CCDC91: variants seen among roughly 807,000 people sequenced by gnomAD.
The protein encoded by CCDC91 is coiled-coil domain containing 91.
A neutral mutation model predicts 63.2 loss-of-function variants in CCDC91; 48 were observed. The ratio of observed to expected loss-of-function variants is 0.76; its 90% CI spans 0.60 to 0.97. The LOEUF (loss-of-function observed/expected upper bound fraction) is 0.97, where lower values mean the gene tolerates loss of function less well. Ranked by LOEUF, CCDC91 falls within the 50% of genes least tolerant of loss-of-function variation. The pLI is 0.00. For synonymous variants in CCDC91, 167 were observed against 165.8 expected (o/e 1.01, Z -0.06); for missense variants, 500 against 494.6 (o/e 1.01, Z -0.10).
chr12:28,236,613 C>A (rs1944965885), intron 1 of CCDC91: 1 of 151,932 alleles, frequency 6.6e-6, no homozygotes. Context: ...GTCATTGTTA[C>A]CTTCAAATTA....
chr12:28,295,113 A>G (rs1420598410), intron 3 of CCDC91, among the ~76,000 whole-genome samples: 2 of 152,112 alleles, frequency 1.3e-5, no homozygotes, highest in Non-Finnish European at 2.9e-5. Flanking sequence ...TGAAATTCTG[A>G]TTGACTCTGC....
chr12:28,226,623 C>T (rs1435103619), intron 1 of CCDC91, among the ~76,000 whole-genome samples: 4 of 151,994 alleles, frequency 2.6e-5, no homozygotes, highest in Admixed American at 6.6e-5. Flanking sequence ...AACCTCATAC[C>T]TTTTATTAAC....
At chr12:28,244,217 CATG>C (rs1945548771) in intron 1 of CCDC91, among the ~76,000 whole-genome samples, 1 of 152,070 alleles carries the variant, frequency 6.6e-6, no homozygotes, top group Non-Finnish European at 1.5e-5. Flanking sequence ...AGCATAAATT[CATG>C]ATAAGAATGC....
At chr12:28,375,167 A>G (rs1362604630) in intron 7 of CCDC91, among the ~76,000 whole-genome samples, 1 of 151,870 alleles carries the variant, frequency 6.6e-6, no homozygotes, top group Non-Finnish European at 1.5e-5. Flanking sequence ...CTTCTTCAGT[A>G]AGTGATGGAA....
intron 3 of CCDC91, among the ~76,000 whole-genome samples, chr12:28,296,905 A>C (rs904330543): frequency 6.6e-6 from 1 of 151,894 alleles, no homozygotes; most frequent in African/African-American, 2.4e-5. Flanking sequence ...TGAGCATTGA[A>C]TAGGAAGATG....
intron 8 of CCDC91, among the ~76,000 whole-genome samples, chr12:28,413,568 T>C (rs1199206396): frequency 3.3e-5 from 5 of 152,204 alleles, no homozygotes; most frequent in African/African-American, 1.2e-4. Context: ...GATCTTATCA[T>C]TTATTTTTGA....
At position 28,220,661 on chromosome 12, in the gene CCDC91, GA is replaced by G. The variant is rs201800994; in HGVS notation, c.-15+30030del. Among the ~76,000 whole-genome samples the G allele has an allele frequency of 3.5e-4, 52 of 149,036 alleles. 1 individual carries two copies. The East Asian group carries it at 3.5e-3, about 10-fold the overall frequency. On this transcript the variant is annotated intron_variant, in intron 1 of 12. Coordinates refer to ENST00000536442, the MANE Select transcript of CCDC91 (RefSeq NM_018318.5). ...TAATTCTCTTACCCTTTGTTTATCTGAAAAAAAAAATTCCTCTTCAATTTTT... is the reference window on the plus strand; with the variant it reads ...TAATTCTCTTACCCTTTGTTTATCTGAAAAAAAAATTCCTCTTCAATTTTT...
chr12:28,462,906 T>C (rs968320555), intron 11 of CCDC91, among the ~76,000 whole-genome samples: 1 of 152,076 alleles, frequency 6.6e-6, no homozygotes, highest in African/African-American at 2.4e-5. Flanking sequence ...GAGATGATGA[T>C]ACTTAAACTG....
rs117077954 is a variant in CCDC91 at position 28,412,155 on chromosome 12, A to G, written c.762+20744A>G. On this transcript the variant is annotated intron_variant, in intron 8 of 12. Transcript: ENST00000536442. ...ATACATTCTAGGTGTATAGTAGGCT[A>G]TATCATCTAGGTTTGTGTAAGTACA... is the stretch of plus-strand genomic sequence containing the variant. 3.5e-3 allele frequency among the ~76,000 whole-genome samples: 531 copies of G among 152,316 alleles called. 26 individuals are homozygous for G. The East Asian group carries it at 0.088, about 25-fold the overall frequency.
In CCDC91 at chr12:28,338,269, T is replaced by TTG. The variant is rs1479944540; in HGVS notation, c.577-24168_577-24167insGT. 8.9e-3 allele frequency among the ~76,000 whole-genome samples: 1,355 copies of TTG among 151,618 alleles called. 25 individuals are homozygous for TTG. The highest frequency in any genetic ancestry group is 0.031 in the African/African-American group (1,285 of 41,326). ...TGGCCCTTATGGATCTTTTTTTTTT[T>TTG]TCTTATGTACTTATCACAGACTTTC... On this transcript the variant is annotated intron_variant, in intron 6 of 12. Transcript: ENST00000536442.
At chr12:28,458,014 G>A (rs1008130310) in intron 11 of CCDC91, among the ~76,000 whole-genome samples, 1 of 151,740 alleles carries the variant, frequency 6.6e-6, no homozygotes, top group African/African-American at 2.4e-5. Context: ...TGTAATTTGG[G>A]GTTATGTTTT....
chr12:28,312,606 G>A (rs1939436435), intron 6 of CCDC91, among the ~76,000 whole-genome samples: 1 of 152,036 alleles, frequency 6.6e-6, no homozygotes, highest in Non-Finnish European at 1.5e-5. Context: ...AATATGTATA[G>A]GATGAAATAT....
At chr12:28,198,831 T>TTG (rs1555149367) in intron 1 of CCDC91, 183 of 151,908 alleles carry the variant, frequency 1.2e-3, no homozygotes, top group African/African-American at 4.1e-3. Flanking sequence ...AGTAATTTTT[T>TTG]TCATTCCTTA....
intron 8 of CCDC91, among the ~76,000 whole-genome samples, chr12:28,392,149 T>C (rs1219700570): frequency 1.3e-5 from 2 of 152,168 alleles, no homozygotes; most frequent in South Asian, 4.1e-4. Flanking sequence ...AATGTCATTT[T>C]AATAAGTGGC....
intron 3 of CCDC91, among the ~76,000 whole-genome samples, chr12:28,280,256 CTTTTATG>C (rs1046293437): frequency 2.0e-5 from 3 of 151,924 alleles, no homozygotes; most frequent in Non-Finnish European, 4.4e-5. Flanking sequence ...TTGAATAAAT[CTTTTATG>C]TTTTATATGT....
intron 6 of CCDC91, among the ~76,000 whole-genome samples, chr12:28,361,749 C>A (rs995136724): frequency 2.6e-5 from 4 of 151,518 alleles, no homozygotes; most frequent in African/African-American, 7.3e-5. Flanking sequence ...CATTTCCCTT[C>A]TGTTTTTTGG....
At chr12:28,417,360 A>G (rs1274809209) in intron 8 of CCDC91, among the ~76,000 whole-genome samples, 1 of 152,072 alleles carries the variant, frequency 6.6e-6, no homozygotes, top group Non-Finnish European at 1.5e-5. Context: ...AGAATATAAA[A>G]CAATTCTGTT....
At chr12:28,446,683 T>C (rs1433384047) in intron 8 of CCDC91, among the ~76,000 whole-genome samples, 1 of 152,118 alleles carries the variant, frequency 6.6e-6, no homozygotes, top group Admixed American at 6.5e-5. Context: ...CGGGCTGGTC[T>C]CTAACTCCTG....
intron 1 of CCDC91, among the ~76,000 whole-genome samples, chr12:28,238,946 C>G (rs1945146202): frequency 6.6e-6 from 1 of 151,822 alleles, no homozygotes; most frequent in African/African-American, 2.4e-5. Flanking sequence ...ATGGTGAAAC[C>G]CCATCTCTAC....
Sources: allele counts gnomAD v4.1 joint callset (sites outside exome capture counted in the v4.1 genomes callset), GRCh38; gene constraint gnomAD v4.1.1; transcripts MANE v1.5; gene names NCBI Gene and HGNC (gene_info 2026-07-23, HGNC 2026-07-21).